Variants in PSMD1 observed in about 807,000 individuals in gnomAD.
The protein encoded by PSMD1 is proteasome 26S subunit, non-ATPase 1, also known as 26S proteasome non-ATPase regulatory subunit 1.
PSMD1 carries 18 observed loss-of-function variants against 119.0 expected under a neutral mutation model. That is an observed-to-expected ratio of 0.15 (90% CI 0.10 to 0.22). PSMD1 has a LOEUF of 0.22. Among genes scored for constraint, PSMD1 ranks in the 10% least tolerant of loss-of-function variants. The pLI is 1.00. For synonymous variants in PSMD1, 374 were observed against 396.6 expected (o/e 0.94, Z 0.68); for missense variants, 702 against 1,158.5 (o/e 0.61, Z 5.72).
chr2:231,137,390 C>T (rs150827870), intron 16 of PSMD1, among the ~76,000 whole-genome samples: 312 of 152,212 alleles, frequency 2.0e-3, no homozygotes, highest in African/African-American at 6.9e-3. Flanking sequence ...GCTGGGATTA[C>T]AGGCATGAGC....
intron 16 of PSMD1, among the ~76,000 whole-genome samples, chr2:231,111,172 T>C (rs1695144983): frequency 6.6e-6 from 1 of 152,218 alleles, no homozygotes; most frequent in Non-Finnish European, 1.5e-5. Flanking sequence ...ACCTTAATTT[T>C]ATATTTCTTG....
At chr2:231,097,189 T>G (rs1203755032) in intron 16 of PSMD1, among the ~76,000 whole-genome samples, 1 of 152,174 alleles carries the variant, frequency 6.6e-6, no homozygotes, top group East Asian at 1.9e-4. Context: ...TAAGTGCTGT[T>G]TTTATGAGCC....
intron 4 of PSMD1, among the ~76,000 whole-genome samples, chr2:231,066,076 A>G (rs1384297387): frequency 6.6e-6 from 1 of 152,214 alleles, no homozygotes; most frequent in Non-Finnish European, 1.5e-5. Context: ...GAGCCTAGGT[A>G]TGTAGTAGGT....
At chr2:231,152,599 A>G (rs1696398023) in intron 18 of PSMD1, among the ~76,000 whole-genome samples, 1 of 152,196 alleles carries the variant, frequency 6.6e-6, no homozygotes, top group Non-Finnish European at 1.5e-5. Flanking sequence ...ACTGTATCAC[A>G]TTGTGGCCTC....
At chr2:231,068,639 C>T (rs1446321623) in intron 5 of PSMD1, among the ~76,000 whole-genome samples, 1 of 152,190 alleles carries the variant, frequency 6.6e-6, no homozygotes, top group Non-Finnish European at 1.5e-5. Flanking sequence ...TTCCATCCCG[C>T]ATGGGATGTG....
At chr2:231,106,089 A>T (rs1369430697) in intron 16 of PSMD1, among the ~76,000 whole-genome samples, 2 of 149,836 alleles carry the variant, frequency 1.3e-5, no homozygotes, top group Non-Finnish European at 3.0e-5. Flanking sequence ...TAAGACTATT[A>T]ACTGGAGTTC....
At chr2:231,137,537 T>A (rs1696003758) in intron 16 of PSMD1, among the ~76,000 whole-genome samples, 1 of 148,246 alleles carries the variant, frequency 6.7e-6, no homozygotes, top group Non-Finnish European at 1.5e-5. Context: ...TTTTTCTTTC[T>A]TTTTTTTGTA....
intron 16 of PSMD1, among the ~76,000 whole-genome samples, chr2:231,090,248 T>C (rs934727652): frequency 1.3e-4 from 20 of 152,362 alleles, no homozygotes; most frequent in African/African-American, 4.8e-4. Context: ...TTCTTAAGAC[T>C]ATAGCTGCCA....
intron 16 of PSMD1, among the ~76,000 whole-genome samples, chr2:231,111,062 T>G (rs1027881652): frequency 6.6e-6 from 1 of 152,252 alleles, no homozygotes; most frequent in African/African-American, 2.4e-5. Context: ...TCCATGACAT[T>G]TGTTCATCTT....
chr2:231,139,169 T>C, intron 17 of PSMD1: 1 of 367,426 alleles, frequency 2.7e-6, no homozygotes, highest in Non-Finnish European at 5.2e-6. Context: ...TTTCACTCTT[T>C]CATCCAGGCT....
intron 23 of PSMD1, among the ~76,000 whole-genome samples, chr2:231,169,928 G>A (rs976182044): frequency 5.9e-5 from 9 of 152,124 alleles, no homozygotes; most frequent in African/African-American, 9.7e-5. Context: ...CTTGCATCAC[G>A]TGGATTTATA....
chr2:231,150,219 C>T (rs905946254), intron 18 of PSMD1, among the ~76,000 whole-genome samples: 6 of 151,770 alleles, frequency 4.0e-5, no homozygotes, highest in African/African-American at 1.2e-4. Context: ...TGGTGGCAGG[C>T]GCCTGTAGTT....
chr2:231,104,202 A>C (rs1240859608), intron 16 of PSMD1, among the ~76,000 whole-genome samples: 1 of 152,136 alleles, frequency 6.6e-6, no homozygotes, highest in East Asian at 1.9e-4. Context: ...GGTCATTTAA[A>C]ACTGTTTTTC....
intron 16 of PSMD1, among the ~76,000 whole-genome samples, chr2:231,091,557 C>T (rs931138138): frequency 5.3e-5 from 8 of 152,160 alleles, no homozygotes; most frequent in African/African-American, 1.9e-4. Flanking sequence ...GTGGTTATAA[C>T]TCGTTTTCCA....
intron 19 of PSMD1, among the ~76,000 whole-genome samples, chr2:231,154,862 C>G (rs929977244): frequency 2.0e-5 from 3 of 152,186 alleles, no homozygotes; most frequent in Non-Finnish European, 4.4e-5. Flanking sequence ...TAAATAAATT[C>G]TAGCAGCCAG....
chr2:231,113,554 T>G (rs1308961285), intron 16 of PSMD1, among the ~76,000 whole-genome samples: 1 of 152,200 alleles, frequency 6.6e-6, no homozygotes, highest in African/African-American at 2.4e-5. Context: ...TTACCAACAG[T>G]ATGTTTTAGA....
At chr2:231,112,545 C>T (rs1695187058) in intron 16 of PSMD1, among the ~76,000 whole-genome samples, 1 of 152,140 alleles carries the variant, frequency 6.6e-6, no homozygotes, top group Non-Finnish European at 1.5e-5. Context: ...GCTGTTTTTG[C>T]CCCAGTGCCC....
At chr2:231,070,279 C>A in intron 6 of PSMD1, 111 bp downstream of exon 6, 1 of 868,744 alleles carries the variant, frequency 1.2e-6, no homozygotes, top group Non-Finnish European at 1.5e-6. Context: ...ATACATGTAT[C>A]TCAGCTGATC....
At chr2:231,156,492 A>C (rs1404763849) in intron 19 of PSMD1, among the ~76,000 whole-genome samples, 1 of 152,074 alleles carries the variant, frequency 6.6e-6, no homozygotes, top group Non-Finnish European at 1.5e-5. Flanking sequence ...CCCTGTGCTT[A>C]ACCTATTTAT....
Sources: allele counts gnomAD v4.1 joint callset (sites outside exome capture counted in the v4.1 genomes callset), GRCh38; gene constraint gnomAD v4.1.1; transcripts MANE v1.5; gene names NCBI Gene and HGNC (gene_info 2026-07-23, HGNC 2026-07-21).